Variants in ZNF385D observed in about 807,000 individuals in gnomAD.
ZNF385D encodes zinc finger protein 659.
A neutral mutation model predicts 35.8 loss-of-function variants in ZNF385D; 15 were observed. That is an observed-to-expected ratio of 0.42 (90% CI 0.28 to 0.64). The LOEUF (loss-of-function observed/expected upper bound fraction) is 0.64. ZNF385D is among the 30% of genes least tolerant of loss of function. The pLI is 0.23. For synonymous variants in ZNF385D, 212 were observed against 186.8 expected (o/e 1.13, Z -1.10); for missense variants, 474 against 494.6 (o/e 0.96, Z 0.39).
intron 2 of ZNF385D, among the ~76,000 whole-genome samples, chr3:21,575,111 GTTC>G (rs1409311111): frequency 6.6e-6 from 1 of 152,108 alleles, no homozygotes; most frequent in East Asian, 1.9e-4. Flanking sequence ...TTTCTTTTGA[GTTC>G]TTTACAGATA....
At chr3:21,752,821 A>C (rs2070166568), upstream of ZNF385D, among the ~76,000 whole-genome samples, 1 of 152,142 alleles carries the variant, frequency 6.6e-6, no homozygotes, top group Non-Finnish European at 1.5e-5. Context: ...AAAATGCGTA[A>C]ATGTTTTTTC....
At chr3:22,181,229 C>G (rs1014986374) in intron 2 of ZNF385D, among the ~76,000 whole-genome samples, 7 of 152,048 alleles carry the variant, frequency 4.6e-5, no homozygotes, top group African/African-American at 1.4e-4. Flanking sequence ...TATCTTCAGG[C>G]TATATGAGAA....
At chr3:21,902,090 T>G (rs1201828061) in intron 3 of ZNF385D, among the ~76,000 whole-genome samples, 1 of 152,152 alleles carries the variant, frequency 6.6e-6, no homozygotes, top group Non-Finnish European at 1.5e-5. Flanking sequence ...GCCTAGAGAA[T>G]TAGATTAAAA....
In ZNF385D at chr3:21,718,809, C is replaced by A. The variant is rs150722500; in HGVS notation, c.22+32086G>T. Among the ~76,000 whole-genome samples the A allele has an allele frequency of 5.1e-4, 77 of 152,302 alleles. 3 individuals carry two copies. In the South Asian group the frequency reaches 0.016, roughly 31 times the overall value. On this transcript the variant is annotated intron_variant, in intron 1 of 7. Transcript: ENST00000281523. Reference sequence around the variant, plus strand: ...AATGTTCAGGCCAAACTGACAATCACAACTGAATCAATTTTTAAAATGATT... The same window carrying A: ...AATGTTCAGGCCAAACTGACAATCAAAACTGAATCAATTTTTAAAATGATT...
chr3:22,212,917 AG>A, intron 2 of ZNF385D, among the ~76,000 whole-genome samples: 1 of 152,006 alleles, frequency 6.6e-6, no homozygotes, highest in Non-Finnish European at 1.5e-5. Context: ...ACCTTAACTA[AG>A]GAAAAAAAAT....
chr3:21,896,540 C>G (rs1020819186), intron 3 of ZNF385D, among the ~76,000 whole-genome samples: 3 of 152,076 alleles, frequency 2.0e-5, no homozygotes, highest in African/African-American at 7.2e-5. Context: ...TTTTTTCCCC[C>G]TGGTATATTT....
At chr3:21,563,412 T>A (rs1358797249) in intron 3 of ZNF385D, 1 of 152,348 alleles carries the variant, frequency 6.6e-6, no homozygotes, top group East Asian at 1.9e-4. Flanking sequence ...CAATCCACTC[T>A]TCTCTTTTTT....
At chr3:21,769,089 T>G (rs1208719570) in intron 3 of ZNF385D, among the ~76,000 whole-genome samples, 1 of 152,046 alleles carries the variant, frequency 6.6e-6, no homozygotes, top group Non-Finnish European at 1.5e-5. Context: ...CTGTTGAATT[T>G]TGTCAAAGGC....
chr3:21,445,352 G>C (rs2125259479), intron 4 of ZNF385D, among the ~76,000 whole-genome samples: 1 of 152,288 alleles, frequency 6.6e-6, no homozygotes, highest in Admixed American at 6.5e-5. Context: ...AGACTGATCA[G>C]GTGGCTTGAC....
At chr3:21,522,803 T>C (rs563499629) in intron 3 of ZNF385D, among the ~76,000 whole-genome samples, 3 of 152,210 alleles carry the variant, frequency 2.0e-5, no homozygotes, top group East Asian at 3.9e-4. Context: ...AGTTTTCCTA[T>C]TGCATTAAGA....
chr3:22,114,348 G>A (rs1376351771), intron 3 of ZNF385D, among the ~76,000 whole-genome samples: 1 of 151,982 alleles, frequency 6.6e-6, no homozygotes, highest in Non-Finnish European at 1.5e-5. Context: ...TCTGTATTTG[G>A]TAACCTAAAT....
chr3:21,688,754 A>T (rs7615960), intron 1 of ZNF385D, among the ~76,000 whole-genome samples: 7,863 of 152,266 alleles, frequency 0.052, 277 homozygotes, highest in East Asian at 0.13. Flanking sequence ...CAAGCTCTAT[A>T]ATTTTTAAAA....
At chr3:22,243,039 G>C (rs1198759678) in intron 2 of ZNF385D, among the ~76,000 whole-genome samples, 1 of 150,906 alleles carries the variant, frequency 6.6e-6, no homozygotes, top group Non-Finnish European at 1.5e-5. Context: ...AGATAAATTG[G>C]ACTACATAAA....
chr3:22,323,011 G>A (rs1228996803), intron 2 of ZNF385D, among the ~76,000 whole-genome samples: 3 of 152,022 alleles, frequency 2.0e-5, no homozygotes, highest in Non-Finnish European at 2.9e-5. Context: ...GTAGGTAACC[G>A]TACTCCTGAA....
At chr3:22,281,230 TTTCTC>T (rs1294267435) in intron 2 of ZNF385D, among the ~76,000 whole-genome samples, 9 of 152,092 alleles carry the variant, frequency 5.9e-5, no homozygotes, top group African/African-American at 1.9e-4. Flanking sequence ...CCTTTCTTTC[TTTCTC>T]TTGTCTGACT....
chr3:21,871,919 C>A (rs569458089), intron 3 of ZNF385D, among the ~76,000 whole-genome samples: 22 of 152,092 alleles, frequency 1.4e-4, no homozygotes, highest in African/African-American at 4.6e-4. Context: ...ATCACTTGAA[C>A]CCAGGAGGTG....
Position 22,254,297 on chromosome 3 carries a change from T to C in ZNF385D, c.107-85262A>G, listed in dbSNP as rs185013038. On this transcript the variant is annotated intron_variant, in intron 2 of 5. Coordinates refer to the ZNF385D transcript ENST00000494108. ...GCAAATTAAAGCAAGAGATAATTTG[T>C]TTATTTTACTGACAAATATGTATGT... Among the ~76,000 whole-genome samples the C allele has an allele frequency of 3.6e-3, 540 of 151,974 alleles. 3 individuals are homozygous for C. The highest frequency in any genetic ancestry group is 0.012 in the African/African-American group (493 of 41,536).
intron 3 of ZNF385D, among the ~76,000 whole-genome samples, chr3:21,830,310 G>T (rs1490216630): frequency 6.6e-6 from 1 of 152,180 alleles, no homozygotes; most frequent in Admixed American, 6.5e-5. Context: ...TTCTTTGACT[G>T]ATATTTGATT....
intron 3 of ZNF385D, among the ~76,000 whole-genome samples, chr3:22,103,588 C>T (rs190260176): frequency 6.6e-5 from 10 of 152,210 alleles, no homozygotes; most frequent in Admixed American, 4.6e-4. Flanking sequence ...GGAGAACCAA[C>T]ATAATGTTAT....
Sources: allele counts gnomAD v4.1 joint callset (sites outside exome capture counted in the v4.1 genomes callset), GRCh38; gene constraint gnomAD v4.1.1; transcripts MANE v1.5; gene names NCBI Gene and HGNC (gene_info 2026-07-23, HGNC 2026-07-21).